The following PAPPA2 variants were observed in gnomAD, a reference collection of about 807,000 sequenced individuals.
PAPPA2 encodes the protein pappalysin 2.
In PAPPA2, 86 loss-of-function variants were observed where a neutral mutation model predicts 176.4. That is an observed-to-expected ratio of 0.49 (90% CI 0.41 to 0.58). The LOEUF (loss-of-function observed/expected upper bound fraction) is 0.58. Ranked by LOEUF, PAPPA2 falls within the 20% of genes least tolerant of loss-of-function variation. The probability of loss-of-function intolerance (pLI) is 0.00; values close to 1 mark genes in which losing one functional copy is unlikely to be tolerated. For missense variants in PAPPA2, 2,073 were observed against 2,256.9 expected (o/e 0.92, Z 1.65); for synonymous variants, 809 against 852.2 (o/e 0.95, Z 0.88).
At chr1:176,746,706 C>CA (rs1337408694) in intron 14 of PAPPA2, among the ~76,000 whole-genome samples, 1 of 152,064 alleles carries the variant, frequency 6.6e-6, no homozygotes, top group African/African-American at 2.4e-5. Flanking sequence ...AGATGGAAAA[C>CA]AAGTAATAGA....
At chr1:176,796,851 C>T (rs1431454559) in intron 20 of PAPPA2, among the ~76,000 whole-genome samples, 1 of 151,204 alleles carries the variant, frequency 6.6e-6, no homozygotes, top group Non-Finnish European at 1.5e-5. Context: ...CCCCCTCTCT[C>T]TCTCCCACGT....
At chr1:176,465,912 A>G (rs1270482348) in intron 1 of PAPPA2, among the ~76,000 whole-genome samples, 4 of 151,964 alleles carry the variant, frequency 2.6e-5, no homozygotes, top group African/African-American at 7.3e-5. Flanking sequence ...CTGTTCCTGT[A>G]TATCATTTTT....
chr1:176,812,003 C>T (rs1007413461), intron 21 of PAPPA2, among the ~76,000 whole-genome samples: 1 of 152,052 alleles, frequency 6.6e-6, no homozygotes, highest in Admixed American at 6.6e-5. Context: ...TAACAACATT[C>T]GTGAGAGTTT....
chr1:176,566,129 G>C (rs1232970583), intron 2 of PAPPA2, among the ~76,000 whole-genome samples: 1 of 152,150 alleles, frequency 6.6e-6, no homozygotes, highest in Non-Finnish European at 1.5e-5. Context: ...AGCTCACATA[G>C]CTCACATAGC....
chr1:176,629,674 G>GT (rs1656233495), intron 3 of PAPPA2, among the ~76,000 whole-genome samples: 1 of 151,982 alleles, frequency 6.6e-6, no homozygotes, highest in African/African-American at 2.4e-5. Flanking sequence ...TATGATATAG[G>GT]TTTTCATTCA....
In PAPPA2 at chr1:176,692,168, G is replaced by A. The variant is rs564617754; in HGVS notation, c.2474G>A (p.Arg825Gln). The change falls in exon 6 of 23, where the codon CGA becomes CAA. Residue 825 changes from arginine to glutamine, a missense_variant. Physicochemically the swap from Arg to Gln is conservative, Grantham distance 43. Around this residue, in one of 4 missense-constraint regions of PAPPA2, gnomAD observed 1,196 missense variants for 1,330.4 expected, o/e 0.90. Coordinates refer to ENST00000367662, the MANE Select transcript of PAPPA2 (RefSeq NM_020318.3). ...TDNFTPNQVA[R>Q]MHCYLDLVYQ... ...AACTTCACTCCTAACCAAGTGGCCC[G>A]AATGCATTGCTATTTGGACCTAGTC... is the stretch of plus-strand genomic sequence containing the variant. The A allele has an allele frequency of 1.2e-5, 19 of 1,613,996 alleles. No homozygotes were observed. The highest frequency in any genetic ancestry group is 5.0e-5 in the Admixed American group (3 of 60,016).
chr1:176,547,768 C>A (rs924359986), intron 1 of PAPPA2, among the ~76,000 whole-genome samples: 3 of 152,134 alleles, frequency 2.0e-5, no homozygotes, highest in Non-Finnish European at 4.4e-5. Flanking sequence ...GTTGTGACTA[C>A]CAAAAATGCC....
At chr1:176,623,629 T>A (rs1655749708) in intron 3 of PAPPA2, among the ~76,000 whole-genome samples, 1 of 103,228 alleles carries the variant, frequency 9.7e-6, no homozygotes, top group Non-Finnish European at 2.2e-5. Context: ...CTTCCTTTTT[T>A]ACTTTCTTTC....
intron 12 of PAPPA2, among the ~76,000 whole-genome samples, chr1:176,738,830 G>GT (rs531236988): frequency 5.3e-5 from 8 of 151,624 alleles, no homozygotes; most frequent in African/African-American, 1.5e-4. Flanking sequence ...TCTCTAAGAT[G>GT]TTTTTTTTCT....
At chr1:176,637,473 C>A (rs984552173) in intron 3 of PAPPA2, among the ~76,000 whole-genome samples, 2 of 152,144 alleles carry the variant, frequency 1.3e-5, no homozygotes, top group Non-Finnish European at 2.9e-5. Flanking sequence ...TCATCTATAA[C>A]AATGCACATA....
chr1:176,811,848 T>C (rs1198915204), intron 21 of PAPPA2, among the ~76,000 whole-genome samples: 2 of 152,144 alleles, frequency 1.3e-5, no homozygotes, highest in African/African-American at 4.8e-5. Flanking sequence ...ATTCCAAATG[T>C]TAATTAGGAC....
chr1:176,489,934 A>G (rs1652817218), intron 1 of PAPPA2, among the ~76,000 whole-genome samples: 1 of 152,276 alleles, frequency 6.6e-6, no homozygotes, highest in Non-Finnish European at 1.5e-5. Context: ...ATATTCAATA[A>G]ATATTTGTCA....
At chr1:176,583,943 T>C (rs533308233) in intron 2 of PAPPA2, among the ~76,000 whole-genome samples, 1 of 152,262 alleles carries the variant, frequency 6.6e-6, no homozygotes, top group East Asian at 1.9e-4. Context: ...TAGTCCCAGC[T>C]ACTTGAGAGG....
chr1:176,609,182 T>A (rs888702031), intron 3 of PAPPA2, among the ~76,000 whole-genome samples: 7 of 152,178 alleles, frequency 4.6e-5, no homozygotes, highest in Admixed American at 4.6e-4. Flanking sequence ...ATGAGAAGAA[T>A]TAGATTATGG....
Position 176,594,660 on chromosome 1 carries a change from C to G in PAPPA2, c.1056C>G (p.Ile352Met), listed in dbSNP as rs753940538. The change falls in exon 3 of 23, where the codon ATC (isoleucine) becomes ATG (methionine). Residue 352 changes from isoleucine to methionine, a missense_variant. Ile to Met is a conservative substitution (Grantham distance 10, BLOSUM62 1). Coordinates refer to ENST00000367662, the MANE Select transcript of PAPPA2 (RefSeq NM_020318.3). ...LCTDRVKKATILISHSRYQPG... is the reference protein window; with the variant it reads ...LCTDRVKKATMLISHSRYQPG... Reference sequence around the variant, plus strand: ...CCGACCGCGTGAAGAAAGCCACCATCTTGATTAGCCACAGTCGCTACCAAC... The same window carrying G: ...CCGACCGCGTGAAGAAAGCCACCATGTTGATTAGCCACAGTCGCTACCAAC... 3.7e-6 allele frequency: 6 copies of G among 1,614,226 alleles called. No homozygotes were observed. The highest frequency in any genetic ancestry group is 5.1e-6 in the Non-Finnish European group (6 of 1,180,048).
At chr1:176,693,257 G>C (rs996726291) in intron 6 of PAPPA2, among the ~76,000 whole-genome samples, 1 of 152,294 alleles carries the variant, frequency 6.6e-6, no homozygotes, top group African/African-American at 2.4e-5. Flanking sequence ...TATTTTACTT[G>C]CACTTGTCTT....
intron 1 of PAPPA2, among the ~76,000 whole-genome samples, chr1:176,497,724 A>G (rs775778843): frequency 2.6e-5 from 4 of 152,172 alleles, no homozygotes; most frequent in Non-Finnish European, 4.4e-5. Context: ...GATGAAGAAC[A>G]AGTTCTCCAG....
intron 1 of PAPPA2, among the ~76,000 whole-genome samples, chr1:176,530,947 T>G (rs1649775979): frequency 6.6e-6 from 1 of 152,230 alleles, no homozygotes; most frequent in Non-Finnish European, 1.5e-5. Context: ...TACTTCTTGC[T>G]TCCAACTGGG....
intron 3 of PAPPA2, among the ~76,000 whole-genome samples, chr1:176,645,651 T>C (rs1276254533): frequency 2.6e-5 from 4 of 151,764 alleles, no homozygotes; most frequent in African/African-American, 9.7e-5. Context: ...AGTTTTATCT[T>C]TTTGAAGGAC....
Sources: allele counts gnomAD v4.1 joint callset (sites outside exome capture counted in the v4.1 genomes callset), GRCh38; gene constraint gnomAD v4.1.1; regional missense constraint gnomAD v4.1.1; transcripts MANE v1.5; gene names NCBI Gene and HGNC (gene_info 2026-07-23, HGNC 2026-07-21).